Variants in IL31RA observed in about 807,000 individuals in gnomAD.
IL31RA encodes the protein interleukin 31 receptor A, also known as interleukin-31 receptor subunit alpha.
Under a neutral mutation model 83.7 loss-of-function variants are expected in IL31RA, and 66 were observed. The observed-to-expected ratio is 0.79, with a 90% CI of 0.65 to 0.97. The LOEUF (loss-of-function observed/expected upper bound fraction) is 0.97, where lower values mean the gene tolerates loss of function less well. Ranked by LOEUF, IL31RA falls within the 50% of genes least tolerant of loss-of-function variation. The probability of loss-of-function intolerance (pLI) is 0.00; values close to 1 mark genes in which losing one functional copy is unlikely to be tolerated. For missense variants in IL31RA, 798 were observed against 919.4 expected (o/e 0.87, Z 1.71); for synonymous variants, 325 against 329.0 (o/e 0.99, Z 0.13).
upstream of IL31RA, among the ~76,000 whole-genome samples, chr5:55,848,448 C>G (rs935335158): frequency 2.0e-5 from 3 of 152,280 alleles, 1 homozygote; most frequent in African/African-American, 7.2e-5. Context: ...CTTTGACATG[C>G]TCTATCCTTT....
rs1343154881 is a variant in IL31RA at position 55,922,085 on chromosome 5, G to C, written c.*4965G>C. The stretch of plus-strand genomic sequence containing the variant: ...GGGGGGGCGGTTCCTGAAGAGTGGA[G>C]TGTGACTAAGGATAACAGCAGTCCT... On this transcript the variant is annotated 3_prime_UTR_variant, in exon 15 of 15. Transcript: ENST00000652347. 6.7e-6 allele frequency among the ~76,000 whole-genome samples: 1 copy of C among 149,370 alleles called. No individual in the cohort carries two copies. The highest frequency in any genetic ancestry group is 1.5e-5 in the Non-Finnish European group (1 of 67,542).
Position 55,890,071 on chromosome 5 carries a change from G to A in IL31RA, c.708G>A (p.Ala236=), listed in dbSNP as rs146511172. 5.8e-4 allele frequency: 944 copies of A among 1,613,926 alleles called. 1 individual carries two copies. In the African/African-American group the frequency reaches 0.011, roughly 19 times the overall value. Residue 236 remains alanine, a synonymous_variant, in exon 6 of 15, where the codon GCG becomes GCA. Transcript: ENST00000652347. The part of the protein sequence containing the change: ...FTEYVIALRC[A]VKESKFWSDW... ...AATATGTCATAGCTCTGCGATGTGC[G>A]GTCAAGGAGTCAAAGTTCTGGAGTG...
At chr5:55,862,250 C>T (rs1223755753) in intron 2 of IL31RA, among the ~76,000 whole-genome samples, 2 of 152,172 alleles carry the variant, frequency 1.3e-5, no homozygotes, top group Non-Finnish European at 2.9e-5. Context: ...GAGTTCCTTT[C>T]TACCCTCATC....
intron 8 of IL31RA, among the ~76,000 whole-genome samples, chr5:55,900,416 G>T (rs1748740966): frequency 6.6e-6 from 1 of 152,136 alleles, no homozygotes; most frequent in South Asian, 2.1e-4. Context: ...ATTTGTTCTG[G>T]TCTGGGTGAA....
rs1388483787 is a variant in IL31RA at position 55,921,862 on chromosome 5, G to A, written c.*4742G>A. On this transcript the variant is annotated 3_prime_UTR_variant, in exon 15 of 15. Transcript: ENST00000652347. ...GCTAGAAATAAGAGGGACTCAGTAGGCCCTTAGCACAGCGGGTGGACTTTG... is the reference window on the plus strand; with the variant it reads ...GCTAGAAATAAGAGGGACTCAGTAGACCCTTAGCACAGCGGGTGGACTTTG... Among the ~76,000 whole-genome samples, 1 of 152,174 alleles carries A rather than the reference G, an allele frequency of 6.6e-6. No homozygotes were observed. Among genetic ancestry groups the A allele is most frequent in the East Asian group, 1.9e-4 (1 of 5,204 alleles).
At chr5:55,890,884 G>A (rs1443324087) in intron 6 of IL31RA, among the ~76,000 whole-genome samples, 3 of 152,210 alleles carry the variant, frequency 2.0e-5, no homozygotes, top group African/African-American at 4.8e-5. Context: ...CTTCCAGTCA[G>A]TGGCCTTGGC....
At chr5:55,866,280 C>G (rs1746039735) in intron 2 of IL31RA, among the ~76,000 whole-genome samples, 1 of 152,152 alleles carries the variant, frequency 6.6e-6, no homozygotes, top group African/African-American at 2.4e-5. Context: ...CTTAGTGGAA[C>G]ATGAGGCTTC....
intron 8 of IL31RA, 137 bp from the exon 9 acceptor site, chr5:55,905,969 C>A: frequency 1.2e-6 from 1 of 834,746 alleles, no homozygotes; most frequent in Non-Finnish European, 2.1e-6. Context: ...TGAAAAGAGC[C>A]CCATCCGGGG....
chr5:55,921,789 T>C lies in IL31RA; in HGVS notation c.*4669T>C, dbSNP rs190380039. Among the ~76,000 whole-genome samples the C allele has an allele frequency of 1.3e-5, 2 of 152,240 alleles. No homozygotes were observed. The highest frequency in any genetic ancestry group is 2.9e-5 in the Non-Finnish European group (2 of 68,038). ...ATGTCCCTGTGTTGACATTACAGAA[T>C]GTTCTCTGCCTCCGTGCTCCTGGGG... On this transcript the variant is annotated 3_prime_UTR_variant, in exon 15 of 15. Transcript: ENST00000652347.
At chr5:55,888,972 T>C (rs1747811319) in intron 5 of IL31RA, among the ~76,000 whole-genome samples, 1 of 152,168 alleles carries the variant, frequency 6.6e-6, no homozygotes, top group Non-Finnish European at 1.5e-5. Flanking sequence ...TAGATGCAAG[T>C]AGTATCAGGA....
intron 6 of IL31RA, among the ~76,000 whole-genome samples, chr5:55,890,532 G>C (rs1222512161): frequency 6.6e-6 from 1 of 152,070 alleles, no homozygotes; most frequent in African/African-American, 2.4e-5. Context: ...ACCATGCCCG[G>C]TTGATTTTTG....
chr5:55,842,313 A>C, the IL31RA span, among the ~76,000 whole-genome samples: 1 of 152,250 alleles, frequency 6.6e-6, no homozygotes, highest in Non-Finnish European at 1.5e-5. Context: ...GCAAAGACTC[A>C]ATTCCAAGTA....
At chr5:55,913,386 T>C (rs1337274631) in intron 12 of IL31RA, 91 bp from the exon 13 acceptor site, 1 of 830,930 alleles carries the variant, frequency 1.2e-6, no homozygotes, top group East Asian at 2.5e-5. Flanking sequence ...GACATTGTGT[T>C]GCTGAAGCTA....
upstream of IL31RA, among the ~76,000 whole-genome samples, chr5:55,849,662 T>C (rs539995644): frequency 1.3e-5 from 2 of 152,338 alleles, no homozygotes; most frequent in East Asian, 3.9e-4. Flanking sequence ...GTCCCCTCCA[T>C]GTATTTTTTC....
chr5:55,915,846 G>A (rs1419185259), intron 14 of IL31RA, among the ~76,000 whole-genome samples: 1 of 152,146 alleles, frequency 6.6e-6, no homozygotes, highest in Non-Finnish European at 1.5e-5. Context: ...CTCTAGAGCC[G>A]GCACTTATTA....
At chr5:55,900,533 C>T (rs1748750109) in intron 8 of IL31RA, among the ~76,000 whole-genome samples, 1 of 152,186 alleles carries the variant, frequency 6.6e-6, no homozygotes, top group African/African-American at 2.4e-5. Flanking sequence ...CTCACCACAT[C>T]CCCATCCTTG....
Position 55,919,854 on chromosome 5 carries a change from C to T in IL31RA, c.*2734C>T, listed in dbSNP as rs564814332. Among the ~76,000 whole-genome samples the T allele has an allele frequency of 2.0e-5, 3 of 152,202 alleles. No individual in the cohort carries two copies. On this transcript the variant is annotated 3_prime_UTR_variant, in exon 15 of 15. Transcript: ENST00000652347. ...CACCAACTGTCCCCGCTCTGGGCAC[C>T]AGGGACTGCCTCTGTGGCTGGAGAA...
intron 8 of IL31RA, among the ~76,000 whole-genome samples, chr5:55,904,920 G>A (rs965110141): frequency 1.3e-5 from 2 of 151,144 alleles, no homozygotes; most frequent in Non-Finnish European, 2.9e-5. Context: ...TCCTGGCTGG[G>A]CGTGGTGGCT....
intron 3 of IL31RA, among the ~76,000 whole-genome samples, chr5:55,869,418 T>C (rs934415224): frequency 2.6e-5 from 4 of 152,200 alleles, no homozygotes; most frequent in African/African-American, 9.7e-5. Context: ...AATTTTATAA[T>C]TTTTAATTAT....
Sources: gnomAD v4.1 joint callset for allele counts (sites outside exome capture counted in the v4.1 genomes callset) on GRCh38, gnomAD v4.1.1 for gene constraint, MANE v1.5 for transcripts, NCBI Gene and HGNC (gene_info 2026-07-23, HGNC 2026-07-21) for gene names.